The following TXNRD1 variants were observed in gnomAD, a reference collection of about 807,000 sequenced individuals.
The protein encoded by TXNRD1 is thioredoxin reductase 1, cytoplasmic.
TXNRD1 carries 57 observed loss-of-function variants against 80.3 expected under a neutral mutation model. The ratio of observed to expected loss-of-function variants is 0.71; its 90% CI spans 0.57 to 0.89. The LOEUF (loss-of-function observed/expected upper bound fraction) is 0.89, where lower values mean the gene tolerates loss of function less well. Among genes scored for constraint, TXNRD1 ranks in the 40% least tolerant of loss-of-function variants. The probability of loss-of-function intolerance (pLI) is 0.00; values close to 1 mark genes in which losing one functional copy is unlikely to be tolerated. For missense variants in TXNRD1, 730 were observed against 803.0 expected, an observed-to-expected ratio of 0.91 and a Z score of 1.10; for synonymous variants, 291 against 285.2, an observed-to-expected ratio of 1.02 and a Z score of -0.20.
rs775627241 is a variant in TXNRD1, at chr12:104,303,966, G to A, written c.415-7324G>A. 31 of 1,603,768 alleles carry A rather than the reference G, an allele frequency of 1.9e-5. No individual in the cohort carries two copies. Among genetic ancestry groups the A allele is most frequent in the African/African-American group, 2.7e-5 (2 of 74,866 alleles). On this transcript the variant is annotated intron_variant, in intron 4 of 16. Transcript: ENST00000525566. ...ATGGATGTGTCAGTGAGGGCCGCGG[G>A]CTGCTCCGACGACCTCAGCTCTGGG...
intron 3 of TXNRD1, among the ~76,000 whole-genome samples, chr12:104,271,367 C>T (rs1168081290): frequency 6.6e-6 from 1 of 151,818 alleles, no homozygotes; most frequent in Non-Finnish European, 1.5e-5. Flanking sequence ...TTAGTAGAGA[C>T]GGGGTTTCAC....
At position 104,251,617 on chromosome 12, in the gene TXNRD1, C is replaced by T; in HGVS notation, c.182C>T (p.Ala61Val). Residue 61 changes from alanine to valine, a missense_variant, in exon 2 of 17, where the codon GCC becomes GTC. Ala to Val is a moderately conservative substitution (Grantham distance 64). Coordinates refer to ENST00000525566, the MANE Select transcript of TXNRD1 (RefSeq NM_001093771.3). ...GCAGACTCCAGAGCCCTGCTTCAGG[C>T]CTATATAGATGGTCACTCTGTGGTC... ...ATADSRALLQ[A>V]YIDGHSVVIF... The T allele has an allele frequency of 1.2e-6, 2 of 1,613,956 alleles. No homozygotes were observed. Among genetic ancestry groups the T allele is most frequent in the Non-Finnish European group, 1.7e-6 (2 of 1,179,870 alleles).
intron 4 of TXNRD1, among the ~76,000 whole-genome samples, chr12:104,291,540 G>A (rs1452677403): frequency 7.1e-6 from 1 of 141,562 alleles, no homozygotes; most frequent in African/African-American, 2.7e-5. Context: ...CTGGAGTTCA[G>A]TGGCGCGATC....
chr12:104,298,636 A>C (rs1483244687), intron 4 of TXNRD1, among the ~76,000 whole-genome samples: 1 of 152,158 alleles, frequency 6.6e-6, no homozygotes, highest in Non-Finnish European at 1.5e-5. Context: ...AGTCAGGAGA[A>C]TCACTTGAAC....
chr12:104,336,005 C>T (rs1445218119), intron 15 of TXNRD1, among the ~76,000 whole-genome samples: 2 of 152,140 alleles, frequency 1.3e-5, no homozygotes, highest in African/African-American at 4.8e-5. Flanking sequence ...ATATAGTTGT[C>T]TTTTTCTTTT....
At chr12:104,253,992 C>T (rs1337447321) in intron 2 of TXNRD1, among the ~76,000 whole-genome samples, 2 of 152,072 alleles carry the variant, frequency 1.3e-5, no homozygotes, top group Non-Finnish European at 2.9e-5. Context: ...TGCGCCCAGC[C>T]TGAGGGTTTT....
At chr12:104,285,293 AGAATTCACGACAAG>A (rs1410503000) in intron 3 of TXNRD1, among the ~76,000 whole-genome samples, 2 of 152,232 alleles carry the variant, frequency 1.3e-5, no homozygotes, top group Non-Finnish European at 2.9e-5. Context: ...TTTTTCCTCT[AGAATTCACGACAAG>A]GGTAAGGCAT....
At chr12:104,315,986 G>A (rs1214095697) in intron 7 of TXNRD1, 90 bp downstream of exon 7, 6 of 1,396,248 alleles carry the variant, frequency 4.3e-6, no homozygotes, top group Admixed American at 2.4e-5. Context: ...CATGAAGATA[G>A]CAAATAGCCT....
At chr12:104,233,489 A>T (rs1402500788) in intron 1 of TXNRD1, among the ~76,000 whole-genome samples, 1 of 152,144 alleles carries the variant, frequency 6.6e-6, no homozygotes, top group Admixed American at 6.5e-5. Flanking sequence ...AGAGAAAAAT[A>T]AAAATGCTCC....
intron 4 of TXNRD1, among the ~76,000 whole-genome samples, chr12:104,293,842 G>T (rs1293063900): frequency 6.6e-6 from 1 of 152,146 alleles, no homozygotes; most frequent in Admixed American, 6.5e-5. Flanking sequence ...ATTATTTATT[G>T]GATACAAGGC....
Position 104,215,853 on chromosome 12 carries a change from G to A in TXNRD1, c.51G>A (p.Leu17=). Residue 17 remains leucine, a synonymous_variant, in exon 1 of 17, where the codon CTG becomes CTA. Transcript: ENST00000525566. The part of the protein sequence containing the change: ...KAVAAAAPTE[L]QTKGKNGDGR... ...TGGCGGCGGCCGCCCCAACGGAGCTGCAGACGAAAGGCAAGAACGGCGATG... is the reference window on the plus strand; with the variant it reads ...TGGCGGCGGCCGCCCCAACGGAGCTACAGACGAAAGGCAAGAACGGCGATG... 1.3e-6 allele frequency: 2 copies of A among 1,560,454 alleles called. No individual in the cohort carries two copies. The highest frequency in any genetic ancestry group is 1.7e-6 in the Non-Finnish European group (2 of 1,153,400).
Position 104,273,782 on chromosome 12 carries a change from GC to G in TXNRD1, c.305-15144del, listed in dbSNP as rs1017517659. 4.6e-5 allele frequency among the ~76,000 whole-genome samples: 7 copies of G among 152,312 alleles called. 1 individual carries two copies. Among genetic ancestry groups the G allele is most frequent in the African/African-American group, 1.4e-4 (6 of 41,576 alleles). ...AAAGAGGAAGAGGATTAGAAAACCT[GC>G]CCCCAAAGCAATAGTCAGCTGGCTT... On this transcript the variant is annotated intron_variant, in intron 3 of 16. Coordinates refer to ENST00000525566, the MANE Select transcript of TXNRD1 (RefSeq NM_001093771.3).
chr12:104,226,684 A>G (rs2032481194), intron 1 of TXNRD1, among the ~76,000 whole-genome samples: 1 of 152,214 alleles, frequency 6.6e-6, no homozygotes. Context: ...CATTTGCAAA[A>G]TGAAGTGAAT....
chr12:104,311,552 C>T (rs1031614118), intron 5 of TXNRD1, 140 bp downstream of exon 5: 13 of 1,100,258 alleles, frequency 1.2e-5, no homozygotes, highest in Middle Eastern at 4.5e-4. Flanking sequence ...TTGGGCAGGA[C>T]ATGGACATCG....
intron 14 of TXNRD1, 41 bp downstream of exon 14, chr12:104,331,682 T>G: frequency 7.6e-7 from 1 of 1,308,942 alleles, no homozygotes; most frequent in Non-Finnish European, 1.1e-6. Context: ...ATATCACTAC[T>G]TTTTTTTCTT....
At chr12:104,287,530 A>C (rs2034016785) in intron 3 of TXNRD1, 8 of 1,580,296 alleles carry the variant, frequency 5.1e-6, no homozygotes, top group Non-Finnish European at 6.0e-6. Flanking sequence ...AAGTATAACT[A>C]TGTAAGAATG....
intron 4 of TXNRD1, among the ~76,000 whole-genome samples, chr12:104,305,938 C>G (rs2034896206): frequency 6.6e-6 from 1 of 152,048 alleles, no homozygotes; most frequent in African/African-American, 2.4e-5. Flanking sequence ...CAGAGTATCA[C>G]TCTTGCCCAG....
Position 104,294,236 on chromosome 12 carries a change from C to CCCCCG in TXNRD1, c.414+5200_414+5201insGCCCC, listed in dbSNP as rs1565882892. Among the ~76,000 whole-genome samples, 2 of 67,856 alleles carry CCCCCG rather than the reference C, an allele frequency of 2.9e-5. 1 individual carries two copies. The highest frequency in any genetic ancestry group is 1.0e-4 in the African/African-American group (2 of 19,358). The allele number at this position is 67,856 out of a possible 152,430, so 44.5% of individuals were successfully genotyped here. ...CTCTAAACTCCCCCGGGGAAAGGCC[C>CCCCCG]CCCCCCCCGCCGCCGGCTTTCCCGG... is the stretch of plus-strand genomic sequence containing the variant. On this transcript the variant is annotated intron_variant, in intron 4 of 16. Transcript: ENST00000525566.
At chr12:104,326,095 T>G (rs927657174) in intron 11 of TXNRD1, among the ~76,000 whole-genome samples, 2 of 152,120 alleles carry the variant, frequency 1.3e-5, no homozygotes, top group African/African-American at 2.4e-5. Flanking sequence ...GATAGGTTTA[T>G]TAAGGCATTA....
Sources: gnomAD v4.1 joint callset for allele counts (sites outside exome capture counted in the v4.1 genomes callset) on GRCh38, gnomAD v4.1.1 for gene constraint, MANE v1.5 for transcripts, NCBI Gene and HGNC (gene_info 2026-07-23, HGNC 2026-07-21) for gene names.